The following USP24 variants were observed in gnomAD, a reference collection of about 807,000 sequenced individuals.
USP24 encodes ubiquitin carboxyl-terminal hydrolase 24.
USP24 carries 97 observed loss-of-function variants against 361.6 expected under a neutral mutation model. The ratio of observed to expected loss-of-function variants is 0.27; its 90% CI spans 0.23 to 0.32. The LOEUF (loss-of-function observed/expected upper bound fraction) is 0.32, where lower values mean the gene tolerates loss of function less well. Ranked by LOEUF, USP24 falls within the 10% of genes least tolerant of loss-of-function variation. USP24 has a pLI of 1.00. For missense variants in USP24, 2,353 were observed against 3,165.6 expected (o/e 0.74, Z 6.16); for synonymous variants, 1,098 against 1,124.6 (o/e 0.98, Z 0.47).
chr1:55,176,459 G>C lies in USP24; in HGVS notation c.491-16C>G, dbSNP rs1352930582. 1 of 1,555,308 alleles carries C rather than the reference G, an allele frequency of 6.4e-7. No homozygotes were observed. Among genetic ancestry groups the C allele is most frequent in the African/African-American group, 1.4e-5 (1 of 73,374 alleles). On this transcript the variant is annotated splice_polypyrimidine_tract_variant and intron_variant, in intron 2 of 67. Transcript: ENST00000294383. ...TCGGAAAGACCTTAGTAAAATGCATGAAATAATATACTTTATTTAAGTCAG... is the reference window on the plus strand; with the variant it reads ...TCGGAAAGACCTTAGTAAAATGCATCAAATAATATACTTTATTTAAGTCAG...
chr1:55,113,187 T>C (rs1646005583), intron 38 of USP24, among the ~76,000 whole-genome samples: 1 of 152,012 alleles, frequency 6.6e-6, no homozygotes, highest in South Asian at 2.1e-4. Flanking sequence ...GAATAAAAAA[T>C]GATAAAGAAT....
In USP24 at chr1:55,138,674, T is replaced by C. The variant is rs949343335; in HGVS notation, c.2862A>G (p.Ser954=). The C allele has an allele frequency of 3.7e-6, 6 of 1,612,928 alleles. No individual in the cohort carries two copies. The African/African-American group carries it at 4.0e-5, about 11-fold the overall frequency. The change falls in exon 26 of 68, where the codon TCA becomes TCG. Residue 954 remains serine (S), a synonymous_variant. Coordinates refer to ENST00000294383, the MANE Select transcript of USP24 (RefSeq NM_015306.3). The part of the protein sequence containing the change: ...VPRTILPHGA[S]FHGHLLTLNV... The stretch of plus-strand genomic sequence containing the variant: ...TAAGGGTTAAAAGATGTCCATGAAA[T>C]GAGGCACCATGAGGTAGAATAGTTC...
intron 38 of USP24, among the ~76,000 whole-genome samples, chr1:55,111,180 G>C (rs1297869117): frequency 1.3e-5 from 2 of 151,486 alleles, no homozygotes; most frequent in Non-Finnish European, 2.9e-5. Context: ...TCATACTACT[G>C]AGGGAAAATA....
Position 55,214,860 on chromosome 1 carries a change from C to T in USP24, c.254G>A (p.Arg85His), listed in dbSNP as rs1644946443. ...GGDGGGGGPS[R>H]GGSTGGGGGF... The stretch of plus-strand genomic sequence containing the variant: ...GCCCCCGCCTCCGGTGCTCCCGCCG[C>T]GGGAGGGGCCGCCGCCGCCGCCGTC... Residue 85 changes from arginine (R) to histidine (H), a missense_variant, in exon 1 of 68, where the codon CGC becomes CAC. By Grantham distance (29) the Arg-to-His change is conservative (BLOSUM62 0). This residue lies in a region of USP24 where 253 missense variants were observed against 255.3 expected (regional missense o/e 0.99). Coordinates refer to ENST00000294383, the MANE Select transcript of USP24 (RefSeq NM_015306.3). The T allele has an allele frequency of 4.9e-6, 6 of 1,222,064 alleles. No homozygotes were observed. The highest frequency in any genetic ancestry group is 8.9e-5 in the Admixed American group (2 of 22,554). The allele number at this position is 1,222,064 out of a possible 1,614,324, so 75.7% of individuals were successfully genotyped here.
At position 55,097,189 on chromosome 1, in the gene USP24, A is replaced by G; in HGVS notation, c.5716-17T>C. On this transcript the variant is annotated splice_polypyrimidine_tract_variant and intron_variant, in intron 48 of 67. Transcript: ENST00000294383. The stretch of plus-strand genomic sequence containing the variant: ...CCAGGGAAACTATGTAGAAGCAAAA[A>G]GACCATATTAACGTTGATTACTAAC... 2 of 1,613,270 alleles carry G rather than the reference A, an allele frequency of 1.2e-6. No homozygotes were observed. Among genetic ancestry groups the G allele is most frequent in the South Asian group, 1.1e-5 (1 of 90,982 alleles).
rs184899122 is a variant in USP24 at position 55,071,645 on chromosome 1, C to T, written c.7800+169G>A. Among the ~76,000 whole-genome samples the T allele has an allele frequency of 1.7e-3, 261 of 152,360 alleles. 1 individual carries two copies. Among genetic ancestry groups the T allele is most frequent in the Middle Eastern group, 6.8e-3 (2 of 294 alleles). On this transcript the variant is annotated intron_variant, in intron 67 of 67. Coordinates refer to ENST00000294383, the MANE Select transcript of USP24 (RefSeq NM_015306.3). ...GCAGCACTACTCAGCCCTGTAAACA[C>T]ACGGTTAGTGCATATGCTGAGCTGA...
intron 20 of USP24, among the ~76,000 whole-genome samples, chr1:55,145,386 C>T (rs1403048802): frequency 6.6e-6 from 1 of 152,136 alleles, no homozygotes; most frequent in African/African-American, 2.4e-5. Context: ...AACATTATGC[C>T]TTAGTACAAT....
In USP24 at chr1:55,137,121, C is replaced by T. The variant is rs188414018; in HGVS notation, c.3201+394G>A. Reference sequence around the variant, plus strand: ...GACAGTGGAAATTCACACCAAGTCCCGAAAGCCAAGTGAAGAGTGTTCCAA... The same window carrying T: ...GACAGTGGAAATTCACACCAAGTCCTGAAAGCCAAGTGAAGAGTGTTCCAA... On this transcript the variant is annotated intron_variant, in intron 28 of 67. Coordinates refer to ENST00000294383, the MANE Select transcript of USP24 (RefSeq NM_015306.3). Among the ~76,000 whole-genome samples the T allele has an allele frequency of 2.9e-3, 444 of 152,138 alleles. 3 individuals carry two copies. Among genetic ancestry groups the T allele is most frequent in the African/African-American group, 0.01 (419 of 41,526 alleles).
chr1:55,101,538 G>A (rs760453498), intron 43 of USP24, 46 bp downstream of exon 43: 37 of 1,561,584 alleles, frequency 2.4e-5, no homozygotes, highest in East Asian at 7.1e-5. Context: ...TTCAAGTAAC[G>A]CACGTATTAT....
At position 55,092,006 on chromosome 1, in the gene USP24, A is replaced by C; in HGVS notation, c.6554+17T>G. 1 of 1,574,226 alleles carries C rather than the reference A, an allele frequency of 6.4e-7. No individual in the cohort carries two copies. The highest frequency in any genetic ancestry group is 8.7e-7 in the Non-Finnish European group (1 of 1,150,348). ...GCCCTCTGTCACAACAGATTATCAA[A>C]ACATATCACTTCTCACCTGAGTTTC... On this transcript the variant is annotated intron_variant, in intron 54 of 67. Coordinates refer to ENST00000294383, the MANE Select transcript of USP24 (RefSeq NM_015306.3).
chr1:55,132,638 T>A lies in USP24; in HGVS notation c.3444A>T (p.Gln1148His), dbSNP rs891245465. The change falls in exon 31 of 68, where the codon CAA (glutamine) becomes CAT (histidine). Residue 1148 changes from glutamine (Q) to histidine (H), a missense_variant. Around this residue, in one of 8 missense-constraint regions of USP24, gnomAD observed 949 missense variants for 1,280.5 expected, o/e 0.74. Coordinates refer to ENST00000294383, the MANE Select transcript of USP24 (RefSeq NM_015306.3). The stretch of plus-strand genomic sequence containing the variant: ...TTGAACTGGCACTTGGCTGGTGCTG[T>A]TGCTTTGATGACAGGGATGGAGATT... The part of the protein sequence containing the change: ...SSKSPSLSSK[Q>H]QHQPSASSIL... 1 of 1,613,796 alleles carries A rather than the reference T, an allele frequency of 6.2e-7. No individual in the cohort carries two copies.
Position 55,137,511 on chromosome 1 carries a change from G to C in USP24, c.3201+4C>G. 1 of 1,612,672 alleles carries C rather than the reference G, an allele frequency of 6.2e-7. No individual in the cohort carries two copies. Among genetic ancestry groups the C allele is most frequent in the Non-Finnish European group, 8.5e-7 (1 of 1,179,344 alleles). On this transcript the variant is annotated splice_donor_region_variant and intron_variant, in intron 28 of 67. Transcript: ENST00000294383. ...TTTTTAAATGGAAATTGATCACCCA[G>C]TACCTGCTCCATGGCATATGAAGAA...
intron 1 of USP24, among the ~76,000 whole-genome samples, chr1:55,182,228 TTTTAG>T (rs1643992971): frequency 6.6e-6 from 1 of 152,136 alleles, no homozygotes; most frequent in African/African-American, 2.4e-5. Context: ...ATTTTTGTAT[TTTTAG>T]TAGAGACGGG....
intron 63 of USP24, 55 bp from the exon 64 acceptor site, chr1:55,073,961 C>G: frequency 1.4e-6 from 2 of 1,410,990 alleles, no homozygotes; most frequent in Non-Finnish European, 1.9e-6. Flanking sequence ...GAAAATGGCT[C>G]CAAGTGACAA....
intron 1 of USP24, among the ~76,000 whole-genome samples, chr1:55,181,916 G>A (rs1007480132): frequency 2.0e-5 from 3 of 152,272 alleles, no homozygotes; most frequent in South Asian, 2.1e-4. Context: ...AATAAAACTT[G>A]TGTCTTAATG....
At chr1:55,073,012 AT>A in intron 64 of USP24, 151 bp from the exon 65 acceptor site, 1 of 703,878 alleles carries the variant, frequency 1.4e-6, no homozygotes, top group Non-Finnish European at 2.3e-6. Flanking sequence ...AGTCAAATTC[AT>A]GGAGACAGAA....
At position 55,077,294 on chromosome 1, in the gene USP24, G is replaced by C. The variant is rs780492160; in HGVS notation, c.7321C>G (p.Leu2441Val). 6.4e-7 allele frequency: 1 copy of C among 1,558,894 alleles called. No homozygotes were observed. The highest frequency in any genetic ancestry group is 8.7e-7 in the Non-Finnish European group (1 of 1,148,418). ...FTMLHFIKNQLETAPPHELKN... is the reference protein window; with the variant it reads ...FTMLHFIKNQVETAPPHELKN... ...AACTCATGAGGTGGAGCCGTTTCTAGTTGGTTCTGAAATATTTTTTAAAAG... is the reference window on the plus strand; with the variant it reads ...AACTCATGAGGTGGAGCCGTTTCTACTTGGTTCTGAAATATTTTTTAAAAG... Residue 2441 changes from leucine (L) to valine (V), a missense_variant, in exon 62 of 68, where the codon CTA becomes GTA. Leu to Val is a conservative substitution (Grantham distance 32). Transcript: ENST00000294383.
At chr1:55,191,274 T>C (rs1466877335) in intron 1 of USP24, among the ~76,000 whole-genome samples, 2 of 152,202 alleles carry the variant, frequency 1.3e-5, no homozygotes, top group Non-Finnish European at 1.5e-5. Context: ...GGATACATAC[T>C]CATCTCTTCA....
chr1:55,152,661 T>C (rs1368607669), intron 16 of USP24, among the ~76,000 whole-genome samples: 1 of 152,168 alleles, frequency 6.6e-6, no homozygotes, highest in African/African-American at 2.4e-5. Flanking sequence ...TCAAATTGTA[T>C]CTGAGTGAAA....
Sources: gnomAD v4.1 joint callset for allele counts (sites outside exome capture counted in the v4.1 genomes callset) on GRCh38, gnomAD v4.1.1 for gene constraint, gnomAD v4.1.1 regional missense constraint, MANE v1.5 for transcripts, NCBI Gene and HGNC (gene_info 2026-07-23, HGNC 2026-07-21) for gene names.